Variants in ARHGAP39 observed in about 807,000 individuals in gnomAD.
ARHGAP39 encodes Rho GTPase activating protein 39.
ARHGAP39 carries 44 observed loss-of-function variants against 106.9 expected under a neutral mutation model. The observed-to-expected ratio is 0.41, with a 90% confidence interval of 0.32 to 0.53. The LOEUF (loss-of-function observed/expected upper bound fraction) is 0.53. ARHGAP39 is among the 20% of genes least tolerant of loss of function. ARHGAP39 has a pLI of 0.21. For synonymous variants in ARHGAP39, 768 were observed against 693.2 expected, an observed-to-expected ratio of 1.11 and a Z score of -1.69; for missense variants, 1,496 against 1,577.3, an observed-to-expected ratio of 0.95 and a Z score of 0.87.
chr8:144,529,206 G>C lies in ARHGAP39; in HGVS notation c.*1216C>G. On this transcript the variant is annotated 3_prime_UTR_variant, in exon 12 of 12. Transcript: ENST00000377307. ...GGGTCCATGTGCACTTTATTCACTC[G>C]TGTCGTCGCCTCTCGGGTCCATGCG... The C allele has an allele frequency of 3.2e-6, 1 of 311,552 alleles. No homozygotes were observed. 19.3% of individuals were successfully genotyped at this position (311,552 alleles called of 1,614,324 possible).
Position 144,529,233 on chromosome 8 carries a change from C to A in ARHGAP39, c.*1189G>T, listed in dbSNP as rs1816542742. The A allele has an allele frequency of 4.0e-6, 1 of 248,530 alleles. No homozygotes were observed. The highest frequency in any genetic ancestry group is 7.6e-6 in the Non-Finnish European group (1 of 131,036). 15.4% of individuals were successfully genotyped at this position (248,530 alleles called of 1,614,324 possible). A position where few individuals can be genotyped will look rare whatever the true frequency, so the allele number is the denominator to read the frequency against. ...GTCGTCGCCTCTCGGGTCCATGCGT[C>A]GGGGCGAGCGTCTCAGCCGGGCGGG... On this transcript the variant is annotated 3_prime_UTR_variant, in exon 12 of 12. Coordinates refer to ENST00000377307, the MANE Select transcript of ARHGAP39 (RefSeq NM_025251.3).
chr8:144,567,242 T>C (rs113644337), intron 3 of ARHGAP39, among the ~76,000 whole-genome samples: 10,477 of 152,266 alleles, frequency 0.069, 1,179 homozygotes, highest in African/African-American at 0.23. Flanking sequence ...TAATAATCCT[T>C]GCTCTACAAT....
intron 2 of ARHGAP39, among the ~76,000 whole-genome samples, chr8:144,601,415 T>C (rs1364261043): frequency 2.7e-5 from 4 of 145,730 alleles, no homozygotes; most frequent in Non-Finnish European, 6.0e-5. Context: ...CCTGCGTGCA[T>C]GGAGGCGTGC....
chr8:144,535,241 G>A (rs1350208230), intron 7 of ARHGAP39, among the ~76,000 whole-genome samples: 2 of 152,368 alleles, frequency 1.3e-5, no homozygotes, highest in Admixed American at 6.5e-5. Context: ...AAGTGCACAC[G>A]TGTCTTGAGT....
chr8:144,678,738 T>C lies in ARHGAP39; in HGVS notation c.-82+6948A>G, dbSNP rs147772993. Among the ~76,000 whole-genome samples the C allele has an allele frequency of 3.9e-5, 6 of 152,272 alleles. No individual in the cohort carries two copies. The East Asian group carries it at 7.7e-4, about 20-fold the overall frequency. ...CAAATCCTTGGCCATCCCCTCCTAG[T>C]TGGGACAACCAAAAATGTCTCCAAA... On this transcript the variant is annotated intron_variant, in intron 1 of 11. Transcript: ENST00000377307.
At position 144,545,754 on chromosome 8, in the gene ARHGAP39, G is replaced by T. The variant is rs776007080; in HGVS notation, c.2016C>A (p.Gly672=). The T allele has an allele frequency of 6.2e-7, 1 of 1,607,350 alleles. No homozygotes were observed. The change falls in exon 6 of 12, where the codon GGC becomes GGA. Residue 672 remains glycine (G), a synonymous_variant. Transcript: ENST00000377307. ...GGAAGACGCAGCTGGAGCTGGGAAC[G>T]CCGCTGCGGCTCTGCCGGCTGCTCT... ...QFESSRQSRS[G]VPSSSCVFPT...
chr8:144,581,100 G>A lies in ARHGAP39; in HGVS notation c.258C>T (p.Ser86=). ...NTSRFYYYNA[S]TQRTVWHRPQ... ...GCCGGTGCCACACCGTGCGCTGCGTGCTGGCATTGTAGTAGTAGAAGCGGG... is the reference window on the plus strand; with the variant it reads ...GCCGGTGCCACACCGTGCGCTGCGTACTGGCATTGTAGTAGTAGAAGCGGG... The change falls in exon 3 of 12, where the codon AGC becomes AGT. Residue 86 remains serine (S), a synonymous_variant. Transcript: ENST00000377307. 1 of 1,591,792 alleles carries A rather than the reference G, an allele frequency of 6.3e-7. No homozygotes were observed.
Position 144,655,952 on chromosome 8 carries a change from A to T in ARHGAP39, c.-82+29734T>A, listed in dbSNP as rs986484398. ...TGCACAAAAGAAGAAAGGGAACAGC[A>T]TATCTAACATGCTAAATCAAACAAA... is the stretch of plus-strand genomic sequence containing the variant. On this transcript the variant is annotated intron_variant, in intron 1 of 11. Coordinates refer to ENST00000377307, the MANE Select transcript of ARHGAP39 (RefSeq NM_025251.3). Among the ~76,000 whole-genome samples, 5 of 152,356 alleles carry T rather than the reference A, an allele frequency of 3.3e-5. No individual in the cohort carries two copies. In the East Asian group the frequency reaches 9.6e-4, roughly 29 times the overall value.
At chr8:144,569,387 C>G (rs1668712670) in intron 3 of ARHGAP39, among the ~76,000 whole-genome samples, 1 of 152,184 alleles carries the variant, frequency 6.6e-6, no homozygotes, top group South Asian at 2.1e-4. Context: ...TAGCCCAAAC[C>G]TGCAAACAAC....
upstream of ARHGAP39, among the ~76,000 whole-genome samples, chr8:144,688,501 T>C (rs116278829): frequency 0.02 from 3,104 of 152,248 alleles, 107 homozygotes; most frequent in African/African-American, 0.065. Context: ...AATCCCATCG[T>C]TTTTCCAGGC....
intron 4 of ARHGAP39, among the ~76,000 whole-genome samples, chr8:144,550,619 G>A (rs964871220): frequency 6.6e-6 from 1 of 152,256 alleles, no homozygotes; most frequent in South Asian, 2.1e-4. Context: ...ACACTGGGCT[G>A]TGGGCCCTCT....
intron 3 of ARHGAP39, among the ~76,000 whole-genome samples, chr8:144,576,720 G>A (rs117667487): frequency 0.019 from 2,882 of 152,364 alleles, 69 homozygotes; most frequent in Admixed American, 0.064. Context: ...TCTGTTCAGT[G>A]AGAGGAAGCC....
rs1363984987 is a variant in ARHGAP39, at chr8:144,670,925, G to C, written c.-82+14761C>G. ...ATCCATGGAATGGATGACCAGAAAG[G>C]CACGACCACCTAATCCAGCTCTGAT... On this transcript the variant is annotated intron_variant, in intron 1 of 11. Transcript: ENST00000377307. The surrounding 1 kb of genome is among the most constrained non-coding windows in gnomAD (Gnocchi z 4.4). Among the ~76,000 whole-genome samples the C allele has an allele frequency of 2.0e-5, 3 of 152,112 alleles. No homozygotes were observed. Among genetic ancestry groups the C allele is most frequent in the Non-Finnish European group, 2.9e-5 (2 of 68,032 alleles).
intron 1 of ARHGAP39, among the ~76,000 whole-genome samples, chr8:144,629,126 A>G (rs1263744408): frequency 1.3e-5 from 2 of 152,200 alleles, no homozygotes; most frequent in African/African-American, 4.8e-5. Flanking sequence ...AAGTGCACAG[A>G]ATGAGTGTCT....
At chr8:144,681,334 T>G (rs1488627085) in intron 1 of ARHGAP39, among the ~76,000 whole-genome samples, 2 of 152,106 alleles carry the variant, frequency 1.3e-5, no homozygotes, top group Non-Finnish European at 2.9e-5. Flanking sequence ...CGAGGGAGTC[T>G]GTCCAGCTCT....
intron 4 of ARHGAP39, among the ~76,000 whole-genome samples, chr8:144,549,781 C>T (rs1193254809): frequency 6.6e-6 from 1 of 152,136 alleles, no homozygotes; most frequent in Admixed American, 6.5e-5. Flanking sequence ...GTGTGAGCCA[C>T]CGCGCCCAGC....
At chr8:144,656,990 A>T (rs1409625592) in intron 1 of ARHGAP39, among the ~76,000 whole-genome samples, 1 of 152,126 alleles carries the variant, frequency 6.6e-6, no homozygotes, top group Non-Finnish European at 1.5e-5. Flanking sequence ...CAATGTATCT[A>T]TTTAATAAAT....
intron 3 of ARHGAP39, among the ~76,000 whole-genome samples, chr8:144,567,722 C>T (rs112595439): frequency 0.082 from 11,069 of 135,178 alleles, 378 homozygotes; most frequent in African/African-American, 0.17. Flanking sequence ...CTCTGATATG[C>T]AGAAATAATG....
intron 1 of ARHGAP39, among the ~76,000 whole-genome samples, chr8:144,656,414 A>G (rs1054242851): frequency 6.6e-6 from 1 of 152,204 alleles, no homozygotes; most frequent in African/African-American, 2.4e-5. Context: ...ATTATGTAAC[A>G]ATCCTAAATG....
Sources: gnomAD v4.1 joint callset for allele counts (sites outside exome capture counted in the v4.1 genomes callset) on GRCh38, gnomAD v4.1.1 for gene constraint, Gnocchi (gnomAD v3.1) non-coding constraint, MANE v1.5 for transcripts, NCBI Gene and HGNC (gene_info 2026-07-23, HGNC 2026-07-21) for gene names.